Variants in CFDP1 observed in about 807,000 individuals in gnomAD.
CFDP1 encodes chromatin remodeling protein CFDP1.
A neutral mutation model predicts 40.1 loss-of-function variants in CFDP1; 31 were observed. The ratio of observed to expected loss-of-function variants is 0.77; its 90% CI spans 0.58 to 1.04. The LOEUF (loss-of-function observed/expected upper bound fraction) is 1.04, where lower values mean the gene tolerates loss of function less well. Ranked by LOEUF, CFDP1 falls within the 50% of genes least tolerant of loss-of-function variation. CFDP1 has a pLI of 0.00. For synonymous variants in CFDP1, 167 were observed against 120.0 expected (o/e 1.39, Z -2.56); for missense variants, 423 against 343.4 (o/e 1.23, Z -1.83).
intron 4 of CFDP1, among the ~76,000 whole-genome samples, chr16:75,404,172 G>A (rs1260939018): frequency 6.6e-6 from 1 of 150,700 alleles, no homozygotes. Flanking sequence ...TATGGAACCC[G>A]AAAACAACTA....
chr16:75,407,612 G>C (rs1234020586), intron 4 of CFDP1, among the ~76,000 whole-genome samples: 2 of 141,422 alleles, frequency 1.4e-5, no homozygotes, highest in Non-Finnish European at 3.0e-5. Context: ...AGCCTCGTAG[G>C]TTGGTTGAGG....
At chr16:75,394,823 C>T (rs1313123522) in intron 5 of CFDP1, 8 of 275,876 alleles carry the variant, frequency 2.9e-5, no homozygotes, top group Non-Finnish European at 5.6e-5. Context: ...CCACCATGCC[C>T]AGCTAATTTT....
At chr16:75,375,705 C>A (rs2078787508) in intron 5 of CFDP1, among the ~76,000 whole-genome samples, 1 of 150,646 alleles carries the variant, frequency 6.6e-6, no homozygotes. Flanking sequence ...ACAGGAGAAT[C>A]GTTTAAACCC....
chr16:75,316,865 A>G (rs1004325074), intron 5 of CFDP1, among the ~76,000 whole-genome samples: 22 of 152,060 alleles, frequency 1.4e-4, no homozygotes, highest in Non-Finnish European at 2.6e-4. Flanking sequence ...GCTACTCGGG[A>G]GGCTACTCCT....
At chr16:75,321,594 T>C (rs2078364031) in intron 5 of CFDP1, among the ~76,000 whole-genome samples, 2 of 152,202 alleles carry the variant, frequency 1.3e-5, no homozygotes, top group African/African-American at 4.8e-5. Flanking sequence ...AAGCCATGTT[T>C]TTCAGTTTCT....
intron 5 of CFDP1, among the ~76,000 whole-genome samples, chr16:75,385,219 G>A (rs751478933): frequency 2.6e-4 from 39 of 152,008 alleles, no homozygotes; most frequent in Non-Finnish European, 5.3e-4. Context: ...ACGTAAGTAT[G>A]AATGGAGAAT....
At chr16:75,385,084 T>C (rs924271381) in intron 5 of CFDP1, among the ~76,000 whole-genome samples, 3 of 151,132 alleles carry the variant, frequency 2.0e-5, no homozygotes, top group South Asian at 2.2e-4. Context: ...AGATTAGAAA[T>C]TGAATAAGGA....
chr16:75,307,740 G>A (rs1049761703), intron 5 of CFDP1, among the ~76,000 whole-genome samples: 10 of 151,948 alleles, frequency 6.6e-5, no homozygotes, highest in Non-Finnish European at 1.5e-4. Context: ...TTTATGTTTT[G>A]TAGAGACAGG....
At chr16:75,295,127 A>G (rs1453665187) in intron 6 of CFDP1, among the ~76,000 whole-genome samples, 1 of 152,210 alleles carries the variant, frequency 6.6e-6, no homozygotes, top group Non-Finnish European at 1.5e-5. Context: ...AAGTCATTAC[A>G]TTTATAGTGA....
chr16:75,412,512 A>T (rs1432595260), intron 3 of CFDP1, 23 bp downstream of exon 3: 1 of 1,566,068 alleles, frequency 6.4e-7, no homozygotes, highest in Non-Finnish European at 8.8e-7. Context: ...AGAGGCATTC[A>T]CCTCACTAAT....
In CFDP1 at chr16:75,408,213, C is replaced by T. The variant is rs2079121277; in HGVS notation, c.530+3612G>A. Among the ~76,000 whole-genome samples the T allele has an allele frequency of 2.0e-5, 3 of 151,650 alleles. No homozygotes were observed. The South Asian group carries it at 6.2e-4, about 32-fold the overall frequency. Reference sequence around the variant, plus strand: ...TATCCAGATTCATTGCAGATAAAGGCAAAAAATGAAAACCCTGAACTAAAT... The same window carrying T: ...TATCCAGATTCATTGCAGATAAAGGTAAAAAATGAAAACCCTGAACTAAAT... On this transcript the variant is annotated intron_variant, in intron 4 of 6. Coordinates refer to ENST00000283882, the MANE Select transcript of CFDP1 (RefSeq NM_006324.3).
At chr16:75,325,339 C>G (rs960482777) in intron 5 of CFDP1, among the ~76,000 whole-genome samples, 1 of 152,208 alleles carries the variant, frequency 6.6e-6, no homozygotes, top group African/African-American at 2.4e-5. Context: ...TCAAGCTATT[C>G]CTTCTGCCCA....
At chr16:75,347,918 G>A (rs75957893) in intron 5 of CFDP1, among the ~76,000 whole-genome samples, 5,286 of 152,170 alleles carry the variant, frequency 0.035, 124 homozygotes, top group Middle Eastern at 0.051. Context: ...AAAATACCTG[G>A]CCAGCACTTT....
chr16:75,330,748 T>C (rs745352276), intron 5 of CFDP1, among the ~76,000 whole-genome samples: 2 of 152,174 alleles, frequency 1.3e-5, no homozygotes, highest in Non-Finnish European at 2.9e-5. Context: ...TGCAGAATCA[T>C]ATTTATTTCT....
chr16:75,352,007 CAAAAA>C (rs3975153), intron 5 of CFDP1, among the ~76,000 whole-genome samples: 1 of 86,766 alleles, frequency 1.2e-5, no homozygotes, highest in South Asian at 4.1e-4. Context: ...GACTCTGTCT[CAAAAA>C]AAAAAAAAAA....
chr16:75,370,781 G>C (rs1377535694), intron 5 of CFDP1, among the ~76,000 whole-genome samples: 1 of 152,120 alleles, frequency 6.6e-6, no homozygotes, highest in African/African-American at 2.4e-5. Context: ...AGAATCGCTT[G>C]AACCCAGCAG....
At chr16:75,413,792 G>GAATTTTCAT (rs1199690269) in intron 2 of CFDP1, among the ~76,000 whole-genome samples, 1 of 152,160 alleles carries the variant, frequency 6.6e-6, no homozygotes, top group African/African-American at 2.4e-5. Context: ...TAACCTGTCA[G>GAATTTTCAT]AATTTTCATA....
intron 5 of CFDP1, among the ~76,000 whole-genome samples, chr16:75,375,429 T>C (rs1204932680): frequency 6.6e-6 from 1 of 152,202 alleles, no homozygotes; most frequent in Admixed American, 6.5e-5. Flanking sequence ...AAGATGTCAT[T>C]ATTATTAGTT....
intron 6 of CFDP1, among the ~76,000 whole-genome samples, chr16:75,295,960 TACA>T (rs2078179176): frequency 6.6e-6 from 1 of 152,188 alleles, no homozygotes. Context: ...GCACGTTCAC[TACA>T]ACTGGTCATC....
Sources: allele counts gnomAD v4.1 joint callset (sites outside exome capture counted in the v4.1 genomes callset), GRCh38; gene constraint gnomAD v4.1.1; transcripts MANE v1.5; gene names NCBI Gene and HGNC (gene_info 2026-07-23, HGNC 2026-07-21).